Variants in GALNT5 observed in about 807,000 individuals in gnomAD.
GALNT5 encodes polypeptide N-acetylgalactosaminyltransferase 5.
Under a neutral mutation model 85.4 loss-of-function variants are expected in GALNT5, and 72 were observed. The observed-to-expected ratio is 0.84, with a 90% CI of 0.70 to 1.03. The LOEUF (loss-of-function observed/expected upper bound fraction) is 1.03. GALNT5 is among the 50% of genes least tolerant of loss of function. The probability of loss-of-function intolerance (pLI) is 0.00; values close to 1 mark genes in which losing one functional copy is unlikely to be tolerated. For synonymous variants in GALNT5, 404 were observed against 397.0 expected (o/e 1.02, Z -0.21); for missense variants, 1,137 against 1,135.5 (o/e 1.00, Z -0.02).
Position 157,295,624 on chromosome 2 carries a change from C to T in GALNT5, c.1742-39C>T, listed in dbSNP as rs200066332. On this transcript the variant is annotated intron_variant, in intron 3 of 9. Transcript: ENST00000259056. ...CATGAAGTACACACATTCAATATAT[C>T]GTATTTTCTAAGTTTTTTGTGTGTG... The T allele has an allele frequency of 2.4e-5, 38 of 1,556,484 alleles. 1 individual carries two copies. The East Asian group carries it at 6.5e-4, about 27-fold the overall frequency.
chr2:157,266,872 TG>T (rs766943165), intron 1 of GALNT5, among the ~76,000 whole-genome samples: 4 of 152,164 alleles, frequency 2.6e-5, no homozygotes, highest in Non-Finnish European at 5.9e-5. Context: ...AGATGCATGA[TG>T]GGAATTAAGT....
At chr2:157,280,027 A>G (rs1475577592) in intron 1 of GALNT5, among the ~76,000 whole-genome samples, 1 of 151,890 alleles carries the variant, frequency 6.6e-6, no homozygotes, top group Non-Finnish European at 1.5e-5. Flanking sequence ...CGAACTCCTG[A>G]CCTCAGATGA....
intron 5 of GALNT5, chr2:157,299,070 G>T: frequency 6.4e-6 from 1 of 157,422 alleles, no homozygotes. Context: ...AGGGGGGAAG[G>T]AGACAGCCGC....
intron 1 of GALNT5, among the ~76,000 whole-genome samples, chr2:157,276,289 T>G (rs1682724346): frequency 1.3e-5 from 2 of 152,140 alleles, no homozygotes; most frequent in South Asian, 4.1e-4. Flanking sequence ...TCTCTTTTTT[T>G]GTTGTTGTGT....
At chr2:157,304,144 G>T (rs961152685) in intron 7 of GALNT5, among the ~76,000 whole-genome samples, 1 of 152,090 alleles carries the variant, frequency 6.6e-6, no homozygotes. Context: ...TTTAAGCCCC[G>T]AGATTATTCT....
Position 157,316,206 on chromosome 2 carries a change from G to A in GALNT5, c.*4858G>A, listed in dbSNP as rs1049975363. Among the ~76,000 whole-genome samples the A allele has an allele frequency of 6.6e-6, 1 of 151,858 alleles. No homozygotes were observed. On this transcript the variant is annotated 3_prime_UTR_variant, in exon 10 of 10. Coordinates refer to ENST00000259056, the MANE Select transcript of GALNT5 (RefSeq NM_014568.3). Reference sequence around the variant, plus strand: ...GGAATCACCATATTGAATGTGCCTGGCTTCCAGGTACAGCTGCTAGCTTTA... The same window carrying A: ...GGAATCACCATATTGAATGTGCCTGACTTCCAGGTACAGCTGCTAGCTTTA...
At position 157,317,886 on chromosome 2, in the gene GALNT5, A is replaced by G. The variant is rs919098287; in HGVS notation, c.*6538A>G. ...TTATCTCATGTTCTTCATGAACTAT[A>G]TACACATTTTCATTGTCTTTAAACA... On this transcript the variant is annotated 3_prime_UTR_variant, in exon 10 of 10. Coordinates refer to ENST00000259056, the MANE Select transcript of GALNT5 (RefSeq NM_014568.3). Among the ~76,000 whole-genome samples, 4 of 152,080 alleles carry G rather than the reference A, an allele frequency of 2.6e-5. No homozygotes were observed. Among genetic ancestry groups the G allele is most frequent in the African/African-American group, 9.7e-5 (4 of 41,414 alleles).
At position 157,301,014 on chromosome 2, in the gene GALNT5, C is replaced by A; in HGVS notation, c.2439+15C>A. On this transcript the variant is annotated intron_variant, in intron 7 of 9. Transcript: ENST00000259056. ...CTAGTGGTGTGGTAAGTTCAAGTGG[C>A]AATTTAAAATCTTACTCCATAAAAA... 1.3e-6 allele frequency: 2 copies of A among 1,575,332 alleles called. No homozygotes were observed. The highest frequency in any genetic ancestry group is 8.7e-7 in the Non-Finnish European group (1 of 1,152,276).
chr2:157,281,532 C>T lies in GALNT5; in HGVS notation c.1455-2750C>T, dbSNP rs113676815. Among the ~76,000 whole-genome samples the T allele has an allele frequency of 2.7e-3, 410 of 152,142 alleles. 1 individual carries two copies. Among genetic ancestry groups the T allele is most frequent in the African/African-American group, 6.4e-3 (265 of 41,500 alleles). ...TGGTGAGGGCTCAGAAGGAAGTGAGCGGCACAGTAGAGAAAGCTCCTATCA... is the reference window on the plus strand; with the variant it reads ...TGGTGAGGGCTCAGAAGGAAGTGAGTGGCACAGTAGAGAAAGCTCCTATCA... On this transcript the variant is annotated intron_variant, in intron 1 of 9. Transcript: ENST00000259056.
At chr2:157,261,403 T>C (rs572760202) in intron 1 of GALNT5, among the ~76,000 whole-genome samples, 4 of 152,308 alleles carry the variant, frequency 2.6e-5, no homozygotes, top group African/African-American at 7.2e-5. Flanking sequence ...AAGTTAAGCA[T>C]TGCAGCCCAG....
chr2:157,296,285 C>A, intron 4 of GALNT5, 109 bp from the exon 5 acceptor site: 1 of 818,760 alleles, frequency 1.2e-6, no homozygotes, highest in Non-Finnish European at 2.0e-6. Context: ...CTAAACTCAT[C>A]AAAAGCACTT....
Position 157,312,078 on chromosome 2 carries a change from T to C in GALNT5, c.*730T>C, listed in dbSNP as rs1311930957. On this transcript the variant is annotated 3_prime_UTR_variant, in exon 10 of 10. Transcript: ENST00000259056. Reference sequence around the variant, plus strand: ...CTTTTAAAACTACAGTTTTAAAGATTTATGATACCAATAACTTCCTAGATT... The same window carrying C: ...CTTTTAAAACTACAGTTTTAAAGATCTATGATACCAATAACTTCCTAGATT... 1.3e-5 allele frequency: 2 copies of C among 152,170 alleles called. No individual in the cohort carries two copies. Among genetic ancestry groups the C allele is most frequent in the African/African-American group, 4.8e-5 (2 of 41,438 alleles). The allele number at this position is 152,170 out of a possible 1,614,324, so 9.4% of individuals were successfully genotyped here. A position where few individuals can be genotyped will look rare whatever the true frequency, so the allele number is the denominator to read the frequency against.
rs777599368 is a variant in GALNT5 at position 157,308,670 on chromosome 2, A to T, written c.2624A>T (p.Asn875Ile). The T allele has an allele frequency of 1.2e-6, 2 of 1,613,862 alleles. No individual in the cohort carries two copies. The highest frequency in any genetic ancestry group is 2.2e-5 in the South Asian group (2 of 91,072). Residue 875 changes from asparagine (N) to isoleucine (I), a missense_variant, in exon 9 of 10, where the codon AAC (asparagine) becomes ATC (isoleucine). Physicochemically the swap from Asn to Ile is moderately radical, Grantham distance 149 (BLOSUM62 -3). Coordinates refer to ENST00000259056, the MANE Select transcript of GALNT5 (RefSeq NM_014568.3). ...KGAVRLHPCD[N>I]RNKGLKWLHK... ...GCCGTAAGGCTGCACCCTTGTGATA[A>T]CAGAAACAAAGGGCTAAAATGGCTG...
chr2:157,278,173 G>T (rs1335486611), intron 1 of GALNT5, among the ~76,000 whole-genome samples: 1 of 152,206 alleles, frequency 6.6e-6, no homozygotes, highest in Non-Finnish European at 1.5e-5. Context: ...GGCTTGTAGA[G>T]TTTCTGCCGA....
chr2:157,280,704 T>C (rs910280266), intron 1 of GALNT5, among the ~76,000 whole-genome samples: 1 of 152,184 alleles, frequency 6.6e-6, no homozygotes, highest in Admixed American at 6.5e-5. Flanking sequence ...TCAAATCTCA[T>C]GTTGAAATGT....
rs116487190 is a variant in GALNT5 at position 157,272,109 on chromosome 2, G to A, written c.1455-12173G>A. ...TTAATTGCATCAACTGCCATTGTAA[G>A]GTGGGTTAATATAAAGAGACCTTGC... On this transcript the variant is annotated intron_variant, in intron 1 of 9. Coordinates refer to ENST00000259056, the MANE Select transcript of GALNT5 (RefSeq NM_014568.3). 4.6e-3 allele frequency among the ~76,000 whole-genome samples: 693 copies of A among 152,244 alleles called. 5 individuals are homozygous for A. The highest frequency in any genetic ancestry group is 0.016 in the African/African-American group (651 of 41,552).
rs766578683 is a variant in GALNT5 at position 157,313,716 on chromosome 2, A to C, written c.*2368A>C. 6.6e-6 allele frequency: 1 copy of C among 152,198 alleles called. No individual in the cohort carries two copies. The highest frequency in any genetic ancestry group is 2.4e-5 in the African/African-American group (1 of 41,460). The allele number at this position is 152,198 out of a possible 1,614,324, so 9.4% of individuals were successfully genotyped here. A position where few individuals can be genotyped will look rare whatever the true frequency, so the allele number is the denominator to read the frequency against. On this transcript the variant is annotated 3_prime_UTR_variant, in exon 10 of 10. Transcript: ENST00000259056. ...AATACACTTATCTTTGGGTATATCA[A>C]CTAAAGGAAGTTGGATTTTTTTCCT...
intron 6 of GALNT5, 33 bp downstream of exon 6, chr2:157,299,698 G>A (rs1181566542): frequency 3.6e-6 from 4 of 1,116,360 alleles, no homozygotes; most frequent in Non-Finnish European, 5.4e-6. Context: ...TTTTCTTTAC[G>A]ATAATGAGTT....
intron 1 of GALNT5, among the ~76,000 whole-genome samples, chr2:157,274,224 A>G (rs191371002): frequency 9.5e-4 from 144 of 152,304 alleles, no homozygotes; most frequent in Non-Finnish European, 1.6e-3. Flanking sequence ...TCTATCATTG[A>G]TGGACATTTA....
Sources: gnomAD v4.1 joint callset for allele counts (sites outside exome capture counted in the v4.1 genomes callset) on GRCh38, gnomAD v4.1.1 for gene constraint, MANE v1.5 for transcripts, NCBI Gene and HGNC (gene_info 2026-07-23, HGNC 2026-07-21) for gene names.